ZBP1: variants seen among roughly 807,000 people sequenced by gnomAD.
ZBP1 encodes the protein Z-DNA binding protein 1, also known as Z-DNA-binding protein 1.
ZBP1 carries 42 observed loss-of-function variants against 41.1 expected under a neutral mutation model. The observed-to-expected ratio is 1.02, with a 90% CI of 0.80 to 1.32. The LOEUF (loss-of-function observed/expected upper bound fraction) is 1.32. Ranked by LOEUF, ZBP1 falls within the 40% of genes most tolerant of loss-of-function variation. The probability of loss-of-function intolerance (pLI) is 0.00; values close to 1 mark genes in which losing one functional copy is unlikely to be tolerated. For missense variants in ZBP1, 562 were observed against 549.7 expected (o/e 1.02, Z -0.22); for synonymous variants, 214 against 205.2 (o/e 1.04, Z -0.37).
chr20:57,605,236 T>C (rs1223599955), intron 7 of ZBP1, among the ~76,000 whole-genome samples: 1 of 152,210 alleles, frequency 6.6e-6, no homozygotes, highest in Admixed American at 6.5e-5. Context: ...CACTTTACCT[T>C]ATTGTACTTT....
Position 57,610,538 on chromosome 20 carries a change from C to T in ZBP1, c.875-171G>A, listed in dbSNP as rs2070634444. 1.5e-6 allele frequency: 1 copy of T among 663,620 alleles called. No homozygotes were observed. The allele number at this position is 663,620 out of a possible 1,614,324, so 41.1% of individuals were successfully genotyped here. On this transcript the variant is annotated intron_variant, in intron 6 of 7. Transcript: ENST00000371173. This position sits in a 1 kb window ranked among gnomAD's most constrained non-coding sequence, Gnocchi z 5.5. ...CACACCTCCACCCGCCACACCTCCG[C>T]TCGTGCTGTTGTGCTGTCTGGGAAG...
intron 7 of ZBP1, among the ~76,000 whole-genome samples, chr20:57,609,398 C>T (rs137935309): frequency 8.5e-5 from 13 of 152,302 alleles, no homozygotes; most frequent in African/African-American, 3.1e-4. Flanking sequence ...TCCCCTGAGT[C>T]TCTGCTGGGC....
chr20:57,614,907 G>A lies in ZBP1; in HGVS notation c.482C>T (p.Ala161Val). Reference protein sequence around the residue: ...HLLDMDEQSKAWTIYRPEDSG... With the variant: ...HLLDMDEQSKVWTIYRPEDSG... Reference sequence around the variant, plus strand: ...CCTACCTGGGCGGTAAATCGTCCATGCTTTGGACTGCTCATCCATGTCCAG... The same window carrying A: ...CCTACCTGGGCGGTAAATCGTCCATACTTTGGACTGCTCATCCATGTCCAG... Residue 161 changes from alanine (A) to valine (V), a missense_variant, in exon 4 of 8, where the codon GCA (alanine) becomes GTA (valine). Transcript: ENST00000371173. 6.2e-7 allele frequency: 1 copy of A among 1,614,206 alleles called. No homozygotes were observed.
intron 5 of ZBP1, chr20:57,612,873 A>C (rs2146577827): frequency 7.7e-7 from 1 of 1,299,054 alleles, no homozygotes. Flanking sequence ...GTCAGGCGCA[A>C]CACAGAGATA....
intron 2 of ZBP1, 35 bp from the exon 3 acceptor site, chr20:57,615,615 A>T: frequency 6.3e-7 from 1 of 1,589,498 alleles, no homozygotes; most frequent in Non-Finnish European, 8.6e-7. Flanking sequence ...GGGGTGGGGG[A>T]CAGAAGACAG....
In ZBP1 at chr20:57,613,074, C is replaced by G. The variant is rs1600735285; in HGVS notation, c.670+89G>C. The G allele has an allele frequency of 6.4e-7, 1 of 1,569,264 alleles. No homozygotes were observed. The highest frequency in any genetic ancestry group is 1.2e-5 in the South Asian group (1 of 86,820). ...TTCCCCTTGGAGGGCAGAATCCCCC[C>G]ACTCCCCATCCCTACCCTTTGCCCC... On this transcript the variant is annotated intron_variant, in intron 5 of 7. Transcript: ENST00000371173. This position sits in a 1 kb window ranked among gnomAD's most constrained non-coding sequence, Gnocchi z 4.5.
At chr20:57,615,712 A>T in intron 2 of ZBP1, 132 bp from the exon 3 acceptor site, 1 of 698,668 alleles carries the variant, frequency 1.4e-6, no homozygotes, top group Non-Finnish European at 2.3e-6. Context: ...CCAGAGTTCA[A>T]CACACTTGAC....
At chr20:57,609,300 G>C (rs1359389286) in intron 7 of ZBP1, among the ~76,000 whole-genome samples, 1 of 152,222 alleles carries the variant, frequency 6.6e-6, no homozygotes, top group Admixed American at 6.5e-5. Flanking sequence ...CAACCAGCCT[G>C]TGCAGCTTCC....
intron 1 of ZBP1, chr20:57,617,394 T>G (rs1251995149): frequency 6.6e-6 from 1 of 152,410 alleles, no homozygotes; most frequent in African/African-American, 2.4e-5. Flanking sequence ...TGTCCCAGAG[T>G]GGCTGGGACG....
Position 57,614,886 on chromosome 20 carries a change from C to T in ZBP1, c.502+1G>A. ...CCAGACACAGGCAGCCGGGGGCCTACCTGGGCGGTAAATCGTCCATGCTTT... is the reference window on the plus strand; with the variant it reads ...CCAGACACAGGCAGCCGGGGGCCTATCTGGGCGGTAAATCGTCCATGCTTT... On this transcript the variant is annotated splice_donor_variant, in intron 4 of 7. Transcript: ENST00000371173. LOFTEE classifies it high-confidence loss of function. The T allele has an allele frequency of 6.2e-7, 1 of 1,614,120 alleles. No individual in the cohort carries two copies. The highest frequency in any genetic ancestry group is 8.5e-7 in the Non-Finnish European group (1 of 1,179,988).
chr20:57,606,914 T>G (rs1024445632), intron 7 of ZBP1: 1 of 1,096,146 alleles, frequency 9.1e-7, no homozygotes, highest in African/African-American at 1.7e-5. Flanking sequence ...AAAAAAAATT[T>G]TTTTTTTACT....
rs1042950572 is a variant in ZBP1 at position 57,604,263 on chromosome 20, C to T, written c.*310G>A. 26 of 503,772 alleles carry T rather than the reference C, an allele frequency of 5.2e-5. No homozygotes were observed. In the East Asian group the frequency reaches 1.0e-3, roughly 20 times the overall value. The allele number at this position is 503,772 out of a possible 1,614,324, so 31.2% of individuals were successfully genotyped here. ...TGGAAGGTAACTCCAGGCAGATGCC[C>T]CGAGCCCAGGAAAGAGTGGAGAGAG... is the stretch of plus-strand genomic sequence containing the variant. On this transcript the variant is annotated 3_prime_UTR_variant, in exon 8 of 8. Coordinates refer to ENST00000371173, the MANE Select transcript of ZBP1 (RefSeq NM_030776.3).
Position 57,616,469 on chromosome 20 carries a change from C to A in ZBP1, c.35-1G>T, listed in dbSNP as rs746443685. ...TGCAGGATTCTTTGTTCAAGGTGGC[C>A]TGGGGGAGCGAGCGGGGGACAGAGA... On this transcript the variant is annotated splice_acceptor_variant, in intron 1 of 7. Transcript: ENST00000371173. LOFTEE classifies it high-confidence loss of function. The A allele has an allele frequency of 1.2e-6, 2 of 1,613,006 alleles. No individual in the cohort carries two copies. Among genetic ancestry groups the A allele is most frequent in the Middle Eastern group, 1.9e-4 (1 of 5,380 alleles).
chr20:57,619,229 C>T (rs551477433), intron 1 of ZBP1, among the ~76,000 whole-genome samples: 3 of 152,146 alleles, frequency 2.0e-5, no homozygotes, highest in African/African-American at 7.2e-5. Context: ...TTAGCCCTCC[C>T]GGGGCACACT....
chr20:57,612,581 C>T (rs56324714), intron 5 of ZBP1, among the ~76,000 whole-genome samples: 6,563 of 152,262 alleles, frequency 0.043, 190 homozygotes, highest in Non-Finnish European at 0.067. Context: ...CTGTCACTCA[C>T]AGGTGACAAG....
chr20:57,619,864 T>C (rs573005034), intron 1 of ZBP1, among the ~76,000 whole-genome samples: 1 of 150,300 alleles, frequency 6.7e-6, no homozygotes, highest in Non-Finnish European at 1.5e-5. Context: ...TGAGATGGAA[T>C]CTCACTCTGT....
chr20:57,604,851 C>T (rs187668196), intron 7 of ZBP1, 82 bp from the exon 8 acceptor site: 18 of 1,345,514 alleles, frequency 1.3e-5, no homozygotes, highest in Middle Eastern at 2.3e-4. Context: ...GGAAGGATTT[C>T]GAGCTCAGCT....
rs752942618 is a variant in ZBP1, at chr20:57,610,199, C to T, written c.1043G>A (p.Gly348Asp). The change falls in exon 7 of 8, where the codon GGC becomes GAC. Residue 348 changes from glycine to aspartate, a missense_variant. Coordinates refer to ENST00000371173, the MANE Select transcript of ZBP1 (RefSeq NM_030776.3). This position sits in a 1 kb window ranked among gnomAD's most constrained non-coding sequence, Gnocchi z 5.5. Reference sequence around the variant, plus strand: ...TCCAGACCCTGCGACTCCTCCTGGGCCAGCCACCCCTGGGCTGATAGACAT... The same window carrying T: ...TCCAGACCCTGCGACTCCTCCTGGGTCAGCCACCCCTGGGCTGATAGACAT... ...NKMSISPGVA[G>D]PGGVAGSGEG... 1.2e-6 allele frequency: 2 copies of T among 1,614,192 alleles called. No individual in the cohort carries two copies. The highest frequency in any genetic ancestry group is 1.7e-5 in the Admixed American group (1 of 60,020).
At chr20:57,619,965 T>G (rs1051102730) in intron 1 of ZBP1, among the ~76,000 whole-genome samples, 1 of 151,780 alleles carries the variant, frequency 6.6e-6, no homozygotes, top group Non-Finnish European at 1.5e-5. Context: ...GCATCCCGAG[T>G]AGCTGGGATC....
Sources: allele counts gnomAD v4.1 joint callset (sites outside exome capture counted in the v4.1 genomes callset), GRCh38; gene constraint gnomAD v4.1.1; non-coding constraint Gnocchi (gnomAD v3.1); transcripts MANE v1.5; gene names NCBI Gene and HGNC (gene_info 2026-07-23, HGNC 2026-07-21).